The following CADPS2 variants were observed in gnomAD, a reference collection of about 807,000 sequenced individuals.
CADPS2 encodes the protein calcium-dependent secretion activator 2.
CADPS2 carries 93 observed loss-of-function variants against 172.5 expected under a neutral mutation model. The observed-to-expected ratio is 0.54, with a 90% CI of 0.46 to 0.64. CADPS2 has a LOEUF of 0.64. CADPS2 is among the 30% of genes least tolerant of loss of function. CADPS2 has a pLI of 0.00. For synonymous variants in CADPS2, 546 were observed against 555.2 expected (o/e 0.98, Z 0.23); for missense variants, 1,420 against 1,565.9 (o/e 0.91, Z 1.57).
intron 6 of CADPS2, among the ~76,000 whole-genome samples, chr7:122,611,217 T>C (rs1366606947): frequency 1.3e-5 from 2 of 152,034 alleles, no homozygotes; most frequent in South Asian, 2.1e-4. Context: ...AGAATGAAGA[T>C]AAAATAGAGA....
At chr7:122,458,399 C>G (rs2054043959) in intron 14 of CADPS2, among the ~76,000 whole-genome samples, 1 of 152,104 alleles carries the variant, frequency 6.6e-6, no homozygotes, top group Admixed American at 6.6e-5. Flanking sequence ...TGATGTATTA[C>G]TTGGATGGTC....
At chr7:122,699,069 C>G in intron 2 of CADPS2, 1 of 604,632 alleles carries the variant, frequency 1.7e-6, no homozygotes. Flanking sequence ...TTAAAGATGG[C>G]TTATGAGTTT....
At chr7:122,872,332 C>G (rs1007132768) in intron 1 of CADPS2, among the ~76,000 whole-genome samples, 1 of 152,058 alleles carries the variant, frequency 6.6e-6, no homozygotes, top group Middle Eastern at 3.2e-3. Flanking sequence ...TTTGGCCTCC[C>G]TCTCTGTCAT....
intron 2 of CADPS2, among the ~76,000 whole-genome samples, chr7:122,719,391 CCT>C (rs2090095383): frequency 6.8e-6 from 1 of 147,916 alleles, no homozygotes; most frequent in Admixed American, 6.7e-5. Context: ...TGACTATCCC[CCT>C]ATCCTTCTGT....
chr7:122,581,328 C>A, intron 6 of CADPS2, 38 bp from the exon 7 acceptor site: 2 of 1,540,484 alleles, frequency 1.3e-6, no homozygotes, highest in East Asian at 2.3e-5. Context: ...TAAAATGCAG[C>A]ATTATTTTTT....
chr7:122,819,600 C>T (rs1452935361), intron 1 of CADPS2, among the ~76,000 whole-genome samples: 1 of 148,028 alleles, frequency 6.8e-6, no homozygotes, highest in African/African-American at 2.5e-5. Context: ...CCTCTTAAAA[C>T]TCCCCAACTC....
At chr7:122,789,059 T>C (rs2139622496) in intron 1 of CADPS2, among the ~76,000 whole-genome samples, 1 of 152,314 alleles carries the variant, frequency 6.6e-6, no homozygotes, top group South Asian at 2.1e-4. Flanking sequence ...AGTCCTTATG[T>C]CCTCAGTGAT....
chr7:122,503,903 GT>G (rs2059413855), intron 9 of CADPS2, among the ~76,000 whole-genome samples: 1 of 152,130 alleles, frequency 6.6e-6, no homozygotes, highest in Non-Finnish European at 1.5e-5. Context: ...GTGATGAATT[GT>G]TTTGCAGGAA....
intron 25 of CADPS2, among the ~76,000 whole-genome samples, chr7:122,377,384 T>G (rs1258461648): frequency 6.6e-6 from 1 of 152,174 alleles, no homozygotes; most frequent in Non-Finnish European, 1.5e-5. Context: ...CCCATCTGCC[T>G]TCTCTGTACT....
intron 1 of CADPS2, among the ~76,000 whole-genome samples, chr7:122,789,216 G>A (rs1196416170): frequency 6.6e-6 from 1 of 152,102 alleles, no homozygotes; most frequent in Non-Finnish European, 1.5e-5. Flanking sequence ...AACTAGGGAG[G>A]TGCAGAATGC....
chr7:122,451,413 C>T lies in CADPS2; in HGVS notation c.2249G>A (p.Arg750Lys). The part of the protein sequence containing the change: ...EKERFEEIKE[R>K]LSSLLENQIS... ...CTGATTTTCTAAAAGGGAAGAGAGT[C>T]TCTCTTTTATCTCCTCAAATCTTTC... Residue 750 changes from arginine to lysine, a missense_variant, in exon 15 of 30, where the codon AGA (arginine) becomes AAA (lysine). Arg to Lys is a conservative substitution (Grantham distance 26). Coordinates refer to ENST00000449022, the MANE Select transcript of CADPS2 (RefSeq NM_017954.11). The T allele has an allele frequency of 1.9e-6, 3 of 1,572,574 alleles. No individual in the cohort carries two copies. Among genetic ancestry groups the T allele is most frequent in the Admixed American group, 1.7e-5 (1 of 57,462 alleles).
rs1563647040 is a variant in CADPS2 at position 122,541,733 on chromosome 7, TTATTC to T, written c.1475+12812_1475+12816del. ...TATATTTACATATATTCATATATATTTATTCATATATTTACATATATTCATATATT... is the reference window on the plus strand; with the variant it reads ...TATATTTACATATATTCATATATATTATATATTTACATATATTCATATATT... On this transcript the variant is annotated intron_variant, in intron 8 of 29. Coordinates refer to ENST00000449022, the MANE Select transcript of CADPS2 (RefSeq NM_017954.11). 1.4e-3 allele frequency among the ~76,000 whole-genome samples: 201 copies of T among 144,764 alleles called. 1 individual carries two copies. The highest frequency in any genetic ancestry group is 5.0e-3 in the African/African-American group (195 of 39,362). The allele number at this position is 144,764 out of a possible 152,430, so 95.0% of individuals were successfully genotyped here. A position where few individuals can be genotyped will look rare whatever the true frequency, so the allele number is the denominator to read the frequency against.
At chr7:122,698,718 A>T in intron 2 of CADPS2, 1 of 1,613,832 alleles carries the variant, frequency 6.2e-7, no homozygotes, top group South Asian at 1.1e-5. Flanking sequence ...CTCTCTTCAA[A>T]GTGGAGCTTC....
intron 6 of CADPS2, among the ~76,000 whole-genome samples, chr7:122,591,691 C>A: frequency 6.6e-6 from 1 of 151,992 alleles, no homozygotes; most frequent in South Asian, 2.1e-4. Flanking sequence ...CACACATCTA[C>A]AACCATGTGA....
chr7:122,370,523 CT>C (rs1234623255), intron 25 of CADPS2, among the ~76,000 whole-genome samples: 3 of 152,142 alleles, frequency 2.0e-5, no homozygotes, highest in African/African-American at 7.2e-5. Context: ...TCCAGATTTA[CT>C]TTCATCTACT....
intron 1 of CADPS2, among the ~76,000 whole-genome samples, chr7:122,779,475 T>C (rs963092321): frequency 1.3e-5 from 2 of 152,222 alleles, no homozygotes; most frequent in South Asian, 2.1e-4. Flanking sequence ...AGACATTTCA[T>C]TGGATAAAGC....
chr7:122,552,970 G>T (rs1019260849), intron 8 of CADPS2, among the ~76,000 whole-genome samples: 3 of 151,970 alleles, frequency 2.0e-5, no homozygotes, highest in East Asian at 3.9e-4. Context: ...CACTGAACTT[G>T]TCATCATCAG....
intron 9 of CADPS2, among the ~76,000 whole-genome samples, chr7:122,503,717 C>T (rs1177244910): frequency 6.6e-6 from 1 of 152,146 alleles, no homozygotes; most frequent in African/African-American, 2.4e-5. Context: ...TCCTCCCTCT[C>T]ATTCATTCAT....
At chr7:122,640,325 G>A (rs901449366) in intron 3 of CADPS2, among the ~76,000 whole-genome samples, 7 of 151,342 alleles carry the variant, frequency 4.6e-5, no homozygotes, top group African/African-American at 1.7e-4. Flanking sequence ...TTGGGTGTGT[G>A]TGTACATTAC....
Sources: gnomAD v4.1 joint callset for allele counts (sites outside exome capture counted in the v4.1 genomes callset) on GRCh38, gnomAD v4.1.1 for gene constraint, MANE v1.5 for transcripts, NCBI Gene and HGNC (gene_info 2026-07-23, HGNC 2026-07-21) for gene names.